The following CBR4 variants were observed in gnomAD, a reference collection of about 807,000 sequenced individuals.
CBR4 encodes the protein 3-oxoacyl-[acyl-carrier-protein] reductase.
A neutral mutation model predicts 21.0 loss-of-function variants in CBR4; 22 were observed. The ratio of observed to expected loss-of-function variants is 1.05; its 90% CI spans 0.75 to 1.50. CBR4 has a LOEUF of 1.50. Ranked by LOEUF, CBR4 falls within the 40% of genes most tolerant of loss-of-function variation. CBR4 has a pLI of 0.00. For synonymous variants in CBR4, 100 were observed against 104.4 expected (o/e 0.96, Z 0.26); for missense variants, 302 against 286.3 (o/e 1.05, Z -0.40).
At chr4:168,898,107 TGCATCA>T in intron 2 of CBR4, 1 of 284,578 alleles carries the variant, frequency 3.5e-6, no homozygotes, top group African/African-American at 2.2e-5. Context: ...TGTACCACCC[TGCATCA>T]GCTTTTACCC....
chr4:168,935,576 GA>G (rs1763088237), intron 2 of CBR4, among the ~76,000 whole-genome samples: 1 of 152,162 alleles, frequency 6.6e-6, no homozygotes, highest in Non-Finnish European at 1.5e-5. Flanking sequence ...CTTGGTGAGG[GA>G]GGGGTGTCTG....
intron 2 of CBR4, among the ~76,000 whole-genome samples, chr4:168,973,537 AG>A (rs879316461): frequency 6.6e-6 from 1 of 152,216 alleles, no homozygotes; most frequent in African/African-American, 2.4e-5. Context: ...CATGTTGGTC[AG>A]GTTGGTCTCA....
chr4:168,956,514 C>T (rs942350116), intron 2 of CBR4, among the ~76,000 whole-genome samples: 1 of 136,704 alleles, frequency 7.3e-6, no homozygotes, highest in African/African-American at 2.7e-5. Context: ...GAGAAGATTG[C>T]TTGAGCCCAG....
chr4:168,915,805 C>G, intron 2 of CBR4: 1 of 959,026 alleles, frequency 1.0e-6, no homozygotes, highest in African/African-American at 1.6e-5. Context: ...CATATTATTA[C>G]CCCATGTATT....
Position 168,896,595 on chromosome 4 carries a change from A to G in CBR4, n.170-1830T>C, listed in dbSNP as rs539957451. ...TCTGTAGGGAGTCCTCTGGATGGTC[A>G]AAAGGTTAAGCTTTTCACCTTTCTT... is the stretch of plus-strand genomic sequence containing the variant. On this transcript the variant is annotated intron_variant and non_coding_transcript_variant, in intron 2 of 3. Transcript: ENST00000509108. 4 of 1,504,660 alleles carry G rather than the reference A, an allele frequency of 2.7e-6. No individual in the cohort carries two copies. The South Asian group carries it at 4.8e-5, about 18-fold the overall frequency. The allele number at this position is 1,504,660 out of a possible 1,614,324, so 93.2% of individuals were successfully genotyped here. A position where few individuals can be genotyped will look rare whatever the true frequency, so the allele number is the denominator to read the frequency against.
At chr4:169,003,061 T>C (rs1272270454) in intron 3 of CBR4, among the ~76,000 whole-genome samples, 1 of 152,226 alleles carries the variant, frequency 6.6e-6, no homozygotes. Flanking sequence ...TTCGTGCCTG[T>C]TAACACAATA....
chr4:168,970,713 CAT>C (rs1196130353), intron 2 of CBR4, among the ~76,000 whole-genome samples: 1 of 151,540 alleles, frequency 6.6e-6, no homozygotes, highest in Non-Finnish European at 1.5e-5. Flanking sequence ...TAAGTGAGAA[CAT>C]ATGATGTTTG....
intron 4 of CBR4, among the ~76,000 whole-genome samples, chr4:168,996,411 C>A (rs1046178066): frequency 3.3e-5 from 4 of 122,924 alleles, no homozygotes; most frequent in African/African-American, 1.2e-4. Context: ...CTTTTCACAT[C>A]ACCCCCCCCT....
At chr4:169,004,879 A>T (rs544498364) in intron 3 of CBR4, among the ~76,000 whole-genome samples, 1 of 152,344 alleles carries the variant, frequency 6.6e-6, no homozygotes, top group East Asian at 1.9e-4. Context: ...ATAATTTTTA[A>T]TTCAAATATC....
intron 2 of CBR4, among the ~76,000 whole-genome samples, chr4:168,965,601 T>C (rs1250064039): frequency 6.6e-6 from 1 of 152,072 alleles, no homozygotes; most frequent in Non-Finnish European, 1.5e-5. Context: ...ACACCACACA[T>C]CTACAACCAT....
intron 2 of CBR4, among the ~76,000 whole-genome samples, chr4:168,899,134 C>CT (rs1755896198): frequency 6.6e-6 from 1 of 152,142 alleles, no homozygotes; most frequent in Non-Finnish European, 1.5e-5. Flanking sequence ...AACTTCCAAT[C>CT]TTTAATCAAA....
chr4:169,001,831 T>C (rs1235329434), intron 4 of CBR4: 3 of 256,250 alleles, frequency 1.2e-5, no homozygotes, highest in Non-Finnish European at 2.2e-5. Flanking sequence ...AATAAGCCTC[T>C]TTTTTTTATG....
Position 169,010,202 on chromosome 4 carries a change from C to T in CBR4, c.-113G>A. 2.1e-6 allele frequency: 2 copies of T among 940,256 alleles called. No homozygotes were observed. The highest frequency in any genetic ancestry group is 1.9e-5 in the South Asian group (1 of 53,898). The allele number at this position is 940,256 out of a possible 1,614,324, so 58.2% of individuals were successfully genotyped here. A position where few individuals can be genotyped will look rare whatever the true frequency, so the allele number is the denominator to read the frequency against. Reference sequence around the variant, plus strand: ...AAAAAAAAAAAAAGAAAAAAAAAGGCAAACCGCAAAAAAAAATAACGCCGC... The same window carrying T: ...AAAAAAAAAAAAAGAAAAAAAAAGGTAAACCGCAAAAAAAAATAACGCCGC... On this transcript the variant is annotated 5_prime_UTR_variant, in exon 1 of 5. Coordinates refer to ENST00000306193, the MANE Select transcript of CBR4 (RefSeq NM_032783.5).
At chr4:168,914,759 T>C (rs1344169685) in intron 2 of CBR4, among the ~76,000 whole-genome samples, 1 of 152,228 alleles carries the variant, frequency 6.6e-6, no homozygotes, top group African/African-American at 2.4e-5. Context: ...AGGCCATAGG[T>C]GCAAACTCCT....
intron 2 of CBR4, among the ~76,000 whole-genome samples, chr4:168,906,678 A>G (rs1020794516): frequency 6.6e-6 from 1 of 152,182 alleles, no homozygotes; most frequent in Non-Finnish European, 1.5e-5. Context: ...AGGCTGGAGT[A>G]CAGTGGCATA....
At chr4:168,935,175 G>A (rs1283437912) in intron 2 of CBR4, among the ~76,000 whole-genome samples, 1 of 152,164 alleles carries the variant, frequency 6.6e-6, no homozygotes, top group Admixed American at 6.5e-5. Flanking sequence ...TGCAAGGGGT[G>A]GAGGAACTCC....
intron 2 of CBR4, among the ~76,000 whole-genome samples, chr4:168,963,913 C>T (rs936532082): frequency 6.6e-6 from 1 of 152,092 alleles, no homozygotes; most frequent in Non-Finnish European, 1.5e-5. Flanking sequence ...TGTTCAAAAA[C>T]CTTTTTTTTT....
At chr4:168,952,129 T>C (rs1294230992) in intron 2 of CBR4, among the ~76,000 whole-genome samples, 3 of 152,228 alleles carry the variant, frequency 2.0e-5, no homozygotes, top group Admixed American at 2.0e-4. Flanking sequence ...CTTTTTTCTT[T>C]GTCTTTGTTG....
chr4:168,946,609 AAT>A (rs35026296), intron 2 of CBR4, among the ~76,000 whole-genome samples: 103,091 of 151,936 alleles, frequency 0.68, 36,752 homozygotes, highest in East Asian at 0.96. Context: ...TACTTTAAAA[AAT>A]AGAGTCATTT....
Sources: gnomAD v4.1 joint callset for allele counts (sites outside exome capture counted in the v4.1 genomes callset) on GRCh38, gnomAD v4.1.1 for gene constraint, MANE v1.5 for transcripts, NCBI Gene and HGNC (gene_info 2026-07-23, HGNC 2026-07-21) for gene names.